LIMD1: variants seen among roughly 807,000 people sequenced by gnomAD.
LIMD1 encodes the protein LIM domain-containing protein 1.
LIMD1 carries 23 observed loss-of-function variants against 58.4 expected under a neutral mutation model. The observed-to-expected ratio is 0.39, with a 90% CI of 0.28 to 0.56. LIMD1 has a LOEUF of 0.56. Ranked by LOEUF, LIMD1 falls within the 20% of genes least tolerant of loss-of-function variation. The probability of loss-of-function intolerance (pLI) is 0.57; values close to 1 mark genes in which losing one functional copy is unlikely to be tolerated. For missense variants in LIMD1, 838 were observed against 855.5 expected (o/e 0.98, Z 0.25); for synonymous variants, 334 against 345.5 (o/e 0.97, Z 0.37).
chr3:45,632,221 G>C (rs943096540), intron 1 of LIMD1, among the ~76,000 whole-genome samples: 7 of 152,174 alleles, frequency 4.6e-5, no homozygotes, highest in African/African-American at 1.7e-4. Flanking sequence ...CTTAGAGTCA[G>C]GTCCACCAGG....
intron 2 of LIMD1, among the ~76,000 whole-genome samples, chr3:45,647,388 T>A (rs977496376): frequency 1.3e-5 from 2 of 152,188 alleles, no homozygotes; most frequent in Non-Finnish European, 2.9e-5. Flanking sequence ...GTACTGAGGC[T>A]GGCTGAGTGT....
At position 45,595,911 on chromosome 3, in the gene LIMD1, CCTTTCCAGTTCTGCCCCGTCATCCT is replaced by C; in HGVS notation, c.1034_1058del (p.Leu345ArgfsTer40). The C allele has an allele frequency of 6.2e-7, 1 of 1,614,220 alleles. No homozygotes were observed. The highest frequency in any genetic ancestry group is 8.5e-7 in the Non-Finnish European group (1 of 1,180,038). On this transcript the variant is annotated frameshift_variant, in exon 1 of 8. Transcript: ENST00000273317. LOFTEE classifies it high-confidence loss of function. ...GGTTCCAGGATGGGCCCAAATCTTA[CCTTTCCAGTTCTGCCCCGTCATCCT>C]CGCCAGCTGGTCTGGACGGTTCACA...
At chr3:45,610,655 G>A (rs1232857251) in intron 1 of LIMD1, among the ~76,000 whole-genome samples, 1 of 152,294 alleles carries the variant, frequency 6.6e-6, no homozygotes, top group South Asian at 2.1e-4. Flanking sequence ...GCCAACAGCT[G>A]TGAGACCTTG....
chr3:45,618,391 T>C (rs1189786912), intron 1 of LIMD1, among the ~76,000 whole-genome samples: 2 of 152,030 alleles, frequency 1.3e-5, no homozygotes, highest in African/African-American at 4.8e-5. Context: ...ACAGTTCCAA[T>C]ACAGTGTGGT....
rs994075370 is a variant in LIMD1 at position 45,678,225 on chromosome 3, A to C, written c.*1166A>C. ...TTCACTTTCAGTCTTCCACACACAA[A>C]AAATACCTCACAGAGCTTCACCAAA... is the stretch of plus-strand genomic sequence containing the variant. On this transcript the variant is annotated 3_prime_UTR_variant, in exon 8 of 8. Coordinates refer to ENST00000273317, the MANE Select transcript of LIMD1 (RefSeq NM_014240.3). The C allele has an allele frequency of 3.9e-5, 6 of 152,634 alleles. No individual in the cohort carries two copies. Among genetic ancestry groups the C allele is most frequent in the Admixed American group, 6.5e-5 (1 of 15,278 alleles). The allele number at this position is 152,634 out of a possible 1,614,324, so 9.5% of individuals were successfully genotyped here.
At chr3:45,600,599 T>C (rs1291054524) in intron 1 of LIMD1, among the ~76,000 whole-genome samples, 1 of 152,180 alleles carries the variant, frequency 6.6e-6, no homozygotes, top group Non-Finnish European at 1.5e-5. Context: ...CTTCTAGGCG[T>C]TGCTCCTGGC....
intron 1 of LIMD1, chr3:45,613,080 C>T (rs1014960241): frequency 6.6e-6 from 1 of 152,100 alleles, no homozygotes; most frequent in African/African-American, 2.4e-5. Flanking sequence ...TCAAATGGCC[C>T]CCAGGCACAG....
chr3:45,658,706 C>T (rs1697384968), intron 2 of LIMD1, among the ~76,000 whole-genome samples: 1 of 151,872 alleles, frequency 6.6e-6, no homozygotes, highest in Non-Finnish European at 1.5e-5. Flanking sequence ...CAGGCATGCA[C>T]CACCATGCCT....
At chr3:45,634,660 G>T (rs1038164638) in intron 1 of LIMD1, among the ~76,000 whole-genome samples, 1 of 152,168 alleles carries the variant, frequency 6.6e-6, no homozygotes, top group Non-Finnish European at 1.5e-5. Flanking sequence ...GCCCAACATC[G>T]GAGTTTAATT....
At chr3:45,601,509 C>G (rs1171663324) in intron 1 of LIMD1, among the ~76,000 whole-genome samples, 2 of 152,220 alleles carry the variant, frequency 1.3e-5, no homozygotes, top group Admixed American at 6.5e-5. Context: ...GCAGCATCCC[C>G]ACAGTGCCCC....
At chr3:45,603,356 T>G (rs1227980810) in intron 1 of LIMD1, among the ~76,000 whole-genome samples, 4 of 152,070 alleles carry the variant, frequency 2.6e-5, no homozygotes, top group Non-Finnish European at 4.4e-5. Context: ...TCCTCCCATA[T>G]CAGGCATTTC....
At chr3:45,649,392 A>AT (rs1348353886) in intron 2 of LIMD1, among the ~76,000 whole-genome samples, 1 of 151,808 alleles carries the variant, frequency 6.6e-6, no homozygotes, top group African/African-American at 2.4e-5. Context: ...TTTAAAATAT[A>AT]TTTTTTTGGC....
rs1697681318 is a variant in LIMD1 at position 45,677,040 on chromosome 3, T to C, written c.2012T>C (p.Leu671Pro). 1.2e-6 allele frequency: 2 copies of C among 1,613,722 alleles called. No homozygotes were observed. Among genetic ancestry groups the C allele is most frequent in the African/African-American group, 2.7e-5 (2 of 74,920 alleles). The change falls in exon 8 of 8, where the codon CTT becomes CCT. Residue 671 changes from leucine (L) to proline (P), a missense_variant. Coordinates refer to ENST00000273317, the MANE Select transcript of LIMD1 (RefSeq NM_014240.3). Reference sequence around the variant, plus strand: ...GAGAAGAGACCCTCATCTACAGCCCTTCACCAGCACCACTTCTAGCCAGAG... The same window carrying C: ...GAGAAGAGACCCTCATCTACAGCCCCTCACCAGCACCACTTCTAGCCAGAG... ...RLEKRPSSTA[L>P]HQHHF is the part of the protein sequence containing the mutation.
Position 45,594,799 on chromosome 3 carries a change from A to ACACACACACACACACACACAC in LIMD1, c.-80_-60dup, listed in dbSNP as rs1553642006. On this transcript the variant is annotated 5_prime_UTR_variant, in exon 1 of 8. Transcript: ENST00000273317. ...CCTCAACACACACACACACACACAC[A>ACACACACACACACACACACAC]CACACACACACACACACACACACAC... The ACACACACACACACACACACAC allele has an allele frequency of 5.6e-3, 804 of 144,830 alleles. 12 individuals carry two copies. The highest frequency in any genetic ancestry group is 7.6e-3 in the East Asian group (18 of 2,374). The allele number at this position is 144,830 out of a possible 1,614,324, so 9.0% of individuals were successfully genotyped here. A position where few individuals can be genotyped will look rare whatever the true frequency, so the allele number is the denominator to read the frequency against.
chr3:45,626,240 G>A (rs1371829294), intron 1 of LIMD1, among the ~76,000 whole-genome samples: 1 of 152,168 alleles, frequency 6.6e-6, no homozygotes, highest in Admixed American at 6.5e-5. Context: ...ACCGTCCTTG[G>A]TATTTACCCA....
intron 7 of LIMD1, among the ~76,000 whole-genome samples, chr3:45,675,522 C>A (rs1177602551): frequency 2.6e-5 from 4 of 151,898 alleles, no homozygotes; most frequent in Non-Finnish European, 1.5e-5. Flanking sequence ...GAGCAAGACT[C>A]CGTCTCAAAA....
At chr3:45,634,070 A>C (rs1428681545) in intron 1 of LIMD1, among the ~76,000 whole-genome samples, 1 of 152,204 alleles carries the variant, frequency 6.6e-6, no homozygotes, top group Non-Finnish European at 1.5e-5. Flanking sequence ...GATTTTTCAA[A>C]AATTTTAACA....
At chr3:45,624,723 A>AAAAAC (rs901574791) in intron 1 of LIMD1, among the ~76,000 whole-genome samples, 1 of 151,916 alleles carries the variant, frequency 6.6e-6, no homozygotes, top group Non-Finnish European at 1.5e-5. Flanking sequence ...ACTCCGCCTC[A>AAAAAC]AAAACAAAAC....
intron 1 of LIMD1, among the ~76,000 whole-genome samples, chr3:45,614,593 C>G (rs958751801): frequency 6.6e-6 from 1 of 151,362 alleles, no homozygotes; most frequent in Non-Finnish European, 1.5e-5. Flanking sequence ...CGTGGTGGTG[C>G]GTGCCTATAG....
Sources: allele counts gnomAD v4.1 joint callset (sites outside exome capture counted in the v4.1 genomes callset), GRCh38; gene constraint gnomAD v4.1.1; transcripts MANE v1.5; gene names NCBI Gene and HGNC (gene_info 2026-07-23, HGNC 2026-07-21).